The following ZFHX3 variants were observed in gnomAD, a reference collection of about 807,000 sequenced individuals.
ZFHX3 encodes zinc finger homeobox 3, also known as zinc finger homeobox protein 3.
ZFHX3 carries 42 observed loss-of-function variants against 279.1 expected under a neutral mutation model. The observed-to-expected ratio is 0.15, with a 90% CI of 0.12 to 0.19. The LOEUF (loss-of-function observed/expected upper bound fraction) is 0.19, where lower values mean the gene tolerates loss of function less well. Among genes scored for constraint, ZFHX3 ranks in the 10% least tolerant of loss-of-function variants. The pLI, the probability that ZFHX3 is intolerant of heterozygous loss-of-function variation, is 1.00. For missense variants in ZFHX3, 4,981 were observed against 4,754.0 expected (o/e 1.05, Z -1.40); for synonymous variants, 2,293 against 1,957.8 (o/e 1.17, Z -4.52).
At chr16:73,797,811 T>C (rs888368100) in intron 1 of ZFHX3, among the ~76,000 whole-genome samples, 1,814 of 135,360 alleles carry the variant, frequency 0.013, 30 homozygotes, top group African/African-American at 0.052. Flanking sequence ...TGAAGACTTT[T>C]TTTTTTTTTT....
chr16:72,873,438 G>T (rs778885047), intron 4 of ZFHX3, among the ~76,000 whole-genome samples: 61 of 152,132 alleles, frequency 4.0e-4, no homozygotes, highest in Non-Finnish European at 7.1e-4. Flanking sequence ...ATTCAGGTAC[G>T]TTCTTTCATT....
At chr16:73,860,675 T>C (rs1005737801) in intron 1 of ZFHX3, among the ~76,000 whole-genome samples, 2 of 152,224 alleles carry the variant, frequency 1.3e-5, no homozygotes, top group African/African-American at 4.8e-5. Flanking sequence ...TTCACCTTCC[T>C]TCGGCCTGTT....
At chr16:73,251,681 T>C (rs1339720404) in intron 5 of ZFHX3, among the ~76,000 whole-genome samples, 7 of 147,586 alleles carry the variant, frequency 4.7e-5, no homozygotes, top group African/African-American at 1.3e-4. Flanking sequence ...TTCACACACA[T>C]ACACACCACA....
intron 3 of ZFHX3, among the ~76,000 whole-genome samples, chr16:72,939,802 C>A (rs561187027): frequency 1.3e-5 from 2 of 152,226 alleles, no homozygotes; most frequent in African/African-American, 4.8e-5. Context: ...GCAGGAGAAT[C>A]ACTTGAACCC....
At chr16:73,731,739 C>T (rs961265601) in intron 1 of ZFHX3, among the ~76,000 whole-genome samples, 1 of 152,010 alleles carries the variant, frequency 6.6e-6, no homozygotes, top group East Asian at 1.9e-4. Flanking sequence ...ACATTATGTT[C>T]AAAATAAAAC....
chr16:73,270,226 C>G (rs1425854670), intron 4 of ZFHX3, among the ~76,000 whole-genome samples: 2 of 152,146 alleles, frequency 1.3e-5, no homozygotes, highest in Admixed American at 1.3e-4. Context: ...TACTGAGATT[C>G]TTTTCAAGTT....
intron 5 of ZFHX3, among the ~76,000 whole-genome samples, chr16:73,174,173 T>G (rs1378523631): frequency 6.6e-6 from 1 of 152,046 alleles, no homozygotes; most frequent in Non-Finnish European, 1.5e-5. Context: ...CTTCTCTGCA[T>G]GGAGACCTTC....
intron 2 of ZFHX3, among the ~76,000 whole-genome samples, chr16:73,652,497 A>G (rs2052681523): frequency 6.6e-6 from 1 of 152,242 alleles, no homozygotes; most frequent in South Asian, 2.1e-4. Flanking sequence ...GGCAGAAGGA[A>G]TCCCAAGAGG....
At chr16:73,605,966 C>T (rs1016069855) in intron 2 of ZFHX3, among the ~76,000 whole-genome samples, 16 of 151,760 alleles carry the variant, frequency 1.1e-4, no homozygotes, top group African/African-American at 2.4e-4. Flanking sequence ...GGGCGGATCA[C>T]GAGGTCAGGA....
In ZFHX3 at chr16:73,605,918, C is replaced by T. The variant is rs185472894; in HGVS notation, c.-1547+74262G>A. On this transcript the variant is annotated intron_variant, in intron 2 of 17. Coordinates refer to the ZFHX3 transcript ENST00000641206. ...TCCATGCTGGGGCAGGGCACAGTGG[C>T]TCACACCTGTAATCCCAGCATTTTG... is the stretch of plus-strand genomic sequence containing the variant. Among the ~76,000 whole-genome samples, 14 of 152,158 alleles carry T rather than the reference C, an allele frequency of 9.2e-5. No individual in the cohort carries two copies. In the East Asian group the frequency reaches 2.7e-3, roughly 29 times the overall value.
intron 4 of ZFHX3, among the ~76,000 whole-genome samples, chr16:72,874,198 A>ATT (rs565664402): frequency 0.024 from 2,286 of 95,010 alleles, 295 homozygotes; most frequent in African/African-American, 0.058. Flanking sequence ...GGATTTTTTG[A>ATT]TTTTTTTTTT....
rs573787534 is a variant in ZFHX3 at position 73,399,199 on chromosome 16, C to T, written c.-1291+56804G>A. Among the ~76,000 whole-genome samples the T allele has an allele frequency of 1.8e-4, 27 of 152,154 alleles. 1 individual carries two copies. The South Asian group carries it at 4.2e-3, about 23-fold the overall frequency. On this transcript the variant is annotated intron_variant, in intron 3 of 17. Coordinates refer to the ZFHX3 transcript ENST00000641206. ...GGCTGGCAGTGGATCTTAAGCAGCC[C>T]TACAAAAATGTTAAAGGGAAGGGAT...
At chr16:73,606,518 G>A (rs970318794) in intron 2 of ZFHX3, among the ~76,000 whole-genome samples, 5 of 151,432 alleles carry the variant, frequency 3.3e-5, no homozygotes, top group African/African-American at 4.9e-5. Context: ...TGCTTGTCTT[G>A]GTCCTAGGGC....
intron 4 of ZFHX3, among the ~76,000 whole-genome samples, chr16:73,277,985 G>C (rs979889025): frequency 1.4e-4 from 21 of 152,058 alleles, no homozygotes; most frequent in African/African-American, 5.1e-4. Context: ...TATTAGCAAG[G>C]GGAATATCTG....
chr16:73,707,705 C>G lies in ZFHX3; in HGVS notation c.-1607-27465G>C, dbSNP rs920997892. Among the ~76,000 whole-genome samples the G allele has an allele frequency of 2.0e-5, 3 of 150,796 alleles. No individual in the cohort carries two copies. The South Asian group carries it at 6.3e-4, about 32-fold the overall frequency. On this transcript the variant is annotated intron_variant, in intron 1 of 17. Coordinates refer to the ZFHX3 transcript ENST00000641206. ...TGTGTACATATGTGACAAACCTGCA[C>G]GTTGTGCACATGTACCCTAAAACTT...
intron 4 of ZFHX3, among the ~76,000 whole-genome samples, chr16:73,295,057 C>CAA (rs368906091): frequency 1.3e-5 from 2 of 151,654 alleles, no homozygotes; most frequent in African/African-American, 4.8e-5. Flanking sequence ...ACTAAAAATA[C>CAA]AAAAAAAATT....
At chr16:73,421,639 C>CGTT (rs2017720935) in intron 3 of ZFHX3, among the ~76,000 whole-genome samples, 1 of 152,220 alleles carries the variant, frequency 6.6e-6, no homozygotes, top group Admixed American at 6.5e-5. Context: ...GCAGGAGAAC[C>CGTT]TAAACTGTCA....
At chr16:72,972,477 T>C (rs1245935802) in intron 1 of ZFHX3, among the ~76,000 whole-genome samples, 3 of 152,170 alleles carry the variant, frequency 2.0e-5, no homozygotes, top group African/African-American at 7.2e-5. Context: ...CTTTATGTGA[T>C]TATAAAGGGC....
At chr16:73,226,535 A>G (rs2144925957) in intron 5 of ZFHX3, among the ~76,000 whole-genome samples, 1 of 152,378 alleles carries the variant, frequency 6.6e-6, no homozygotes, top group Non-Finnish European at 1.5e-5. Context: ...AATATTAGGC[A>G]TATGTGTCTC....
Sources: allele counts gnomAD v4.1 joint callset (sites outside exome capture counted in the v4.1 genomes callset), GRCh38; gene constraint gnomAD v4.1.1; transcripts MANE v1.5; gene names NCBI Gene and HGNC (gene_info 2026-07-23, HGNC 2026-07-21).